The following NEK11 variants were observed in gnomAD, a reference collection of about 807,000 sequenced individuals.
NEK11 encodes the protein NIMA related kinase 11.
Under a neutral mutation model 80.7 loss-of-function variants are expected in NEK11, and 72 were observed. The ratio of observed to expected loss-of-function variants is 0.89; its 90% CI spans 0.74 to 1.08. The LOEUF is 1.08. NEK11 is among the 50% of genes least tolerant of loss of function. The pLI is 0.00. For missense variants in NEK11, 764 were observed against 763.6 expected, an observed-to-expected ratio of 1.00 and a Z score of -0.01; for synonymous variants, 251 against 260.7, an observed-to-expected ratio of 0.96 and a Z score of 0.36.
At chr3:131,262,445 A>C (rs1037237106) in intron 16 of NEK11, among the ~76,000 whole-genome samples, 1 of 152,204 alleles carries the variant, frequency 6.6e-6, no homozygotes, top group Non-Finnish European at 1.5e-5. Context: ...GATTTTCTAT[A>C]TACAAAATCA....
At chr3:131,202,065 C>T (rs1317604615) in intron 14 of NEK11, among the ~76,000 whole-genome samples, 1 of 152,130 alleles carries the variant, frequency 6.6e-6, no homozygotes, top group East Asian at 1.9e-4. Flanking sequence ...GATCTCCTGA[C>T]CTCATGATCC....
rs1341042136 is a variant in NEK11, at chr3:131,044,450, G to T, written c.170+14572G>T. 2.6e-4 allele frequency among the ~76,000 whole-genome samples: 38 copies of T among 148,450 alleles called. No individual in the cohort carries two copies. In the South Asian group the frequency reaches 3.7e-3, roughly 14 times the overall value. ...AAAAAAAAAAAAAAAAAAAGGTGGG[G>T]GGGGGGGTTGGAATCCTAGTCTCTA... On this transcript the variant is annotated intron_variant, in intron 3 of 17. Coordinates refer to ENST00000383366, the MANE Select transcript of NEK11 (RefSeq NM_024800.5).
chr3:131,185,736 T>C (rs527541403), intron 14 of NEK11, among the ~76,000 whole-genome samples: 1 of 152,304 alleles, frequency 6.6e-6, no homozygotes, highest in South Asian at 2.1e-4. Flanking sequence ...TATAATTCAG[T>C]AGTTTTCTCT....
At chr3:131,345,670 C>CT (rs2097351989) in intron 17 of NEK11, among the ~76,000 whole-genome samples, 1 of 152,164 alleles carries the variant, frequency 6.6e-6, no homozygotes, top group Non-Finnish European at 1.5e-5. Context: ...ACCCAGCAAT[C>CT]CCTCTTCTGG....
intron 7 of NEK11, among the ~76,000 whole-genome samples, chr3:131,142,311 A>G (rs1474867059): frequency 1.3e-5 from 2 of 152,224 alleles, no homozygotes; most frequent in African/African-American, 4.8e-5. Flanking sequence ...CAGTCTTATT[A>G]TGATGCCAGC....
At chr3:131,207,487 G>T (rs993907265) in intron 14 of NEK11, among the ~76,000 whole-genome samples, 1 of 152,118 alleles carries the variant, frequency 6.6e-6, no homozygotes, top group African/African-American at 2.4e-5. Flanking sequence ...GGAGGCTGAG[G>T]CAGGAGAATG....
intron 7 of NEK11, among the ~76,000 whole-genome samples, chr3:131,139,311 G>A (rs1490770482): frequency 1.3e-5 from 2 of 148,326 alleles, no homozygotes; most frequent in Non-Finnish European, 3.0e-5. Flanking sequence ...CTCGAAGACA[G>A]GATATTGGAA....
intron 4 of NEK11, 95 bp from the exon 5 acceptor site, chr3:131,109,708 A>G (rs2079768383): frequency 1.2e-5 from 15 of 1,254,940 alleles, no homozygotes; most frequent in Non-Finnish European, 1.5e-5. Context: ...GCACTTTCTT[A>G]TAAACAGTGA....
At chr3:131,198,286 G>C (rs2094104609) in intron 14 of NEK11, among the ~76,000 whole-genome samples, 2 of 152,130 alleles carry the variant, frequency 1.3e-5, no homozygotes, top group South Asian at 2.1e-4. Flanking sequence ...GTCGGGATCA[G>C]TCAAGGGACC....
At chr3:131,301,924 G>A (rs940353037) in intron 17 of NEK11, among the ~76,000 whole-genome samples, 3 of 152,142 alleles carry the variant, frequency 2.0e-5, no homozygotes, top group Non-Finnish European at 4.4e-5. Flanking sequence ...AGTTTCCATA[G>A]GAATGGTACC....
At chr3:131,061,067 T>A (rs1469258525) in intron 3 of NEK11, among the ~76,000 whole-genome samples, 2 of 152,154 alleles carry the variant, frequency 1.3e-5, no homozygotes, top group Admixed American at 1.3e-4. Flanking sequence ...CACCTACAGC[T>A]CCGAGAACTC....
rs545009423 is a variant in NEK11, at chr3:131,202,051, T to G, written c.1400-26477T>G. ...GGTTTCACCATGTTAGCCAGGATGGTCTCGATCTCCTGACCTCATGATCCA... is the reference window on the plus strand; with the variant it reads ...GGTTTCACCATGTTAGCCAGGATGGGCTCGATCTCCTGACCTCATGATCCA... On this transcript the variant is annotated intron_variant, in intron 14 of 17. Coordinates refer to ENST00000383366, the MANE Select transcript of NEK11 (RefSeq NM_024800.5). Among the ~76,000 whole-genome samples the G allele has an allele frequency of 1.1e-4, 16 of 152,140 alleles. No homozygotes were observed. In the East Asian group the frequency reaches 1.7e-3, roughly 17 times the overall value.
chr3:131,137,624 T>C (rs1345057451), intron 7 of NEK11, among the ~76,000 whole-genome samples: 1 of 152,170 alleles, frequency 6.6e-6, no homozygotes, highest in Admixed American at 6.5e-5. Context: ...AGAAAACATT[T>C]CAGTCAGGTG....
chr3:131,181,516 G>T (rs1384236492), intron 14 of NEK11, among the ~76,000 whole-genome samples: 1 of 152,100 alleles, frequency 6.6e-6, no homozygotes, highest in African/African-American at 2.4e-5. Flanking sequence ...GGAGGCCAAG[G>T]CGGGCAGATC....
At chr3:131,273,296 A>C (rs2096233139) in intron 16 of NEK11, among the ~76,000 whole-genome samples, 182 bp from the exon 17 acceptor site, 1 of 152,220 alleles carries the variant, frequency 6.6e-6, no homozygotes, top group Non-Finnish European at 1.5e-5. Context: ...AACTGTAAAT[A>C]ATCTTGTCAT....
intron 14 of NEK11, among the ~76,000 whole-genome samples, chr3:131,178,583 T>G (rs908237245): frequency 1.6e-4 from 25 of 152,192 alleles, no homozygotes; most frequent in African/African-American, 6.0e-4. Context: ...CACTGGGAGA[T>G]CTCCATGGAC....
intron 4 of NEK11, among the ~76,000 whole-genome samples, chr3:131,098,591 T>C (rs1190679288): frequency 2.6e-5 from 4 of 151,736 alleles, no homozygotes; most frequent in African/African-American, 9.7e-5. Context: ...TTTTTTTTTT[T>C]TTTAGATGGA....
At position 131,168,895 on chromosome 3, in the gene NEK11, A is replaced by C; in HGVS notation, c.1242A>C (p.Ser414=). ...EEQPEGRLSC[S]PQDEDEERWQ... is the part of the protein sequence containing the mutation. ...AACCTGAGGGAAGACTTTCTTGTTC[A>C]CCCCAGGACGAGGATGAAGAGAGGT... Residue 414 remains serine, a synonymous_variant, in exon 13 of 18, where the codon TCA becomes TCC. Transcript: ENST00000383366. 2 of 1,613,984 alleles carry C rather than the reference A, an allele frequency of 1.2e-6. No homozygotes were observed. The highest frequency in any genetic ancestry group is 2.2e-5 in the South Asian group (2 of 91,036).
chr3:131,161,044 G>A lies in NEK11; in HGVS notation c.963-1364G>A, dbSNP rs143962210. ...CTAAAAAGACAAAAATTAGCTGGGC[G>A]TGGTAGCGTGTGCCTGTAGTCCCAG... On this transcript the variant is annotated intron_variant, in intron 10 of 17. Transcript: ENST00000383366. Among the ~76,000 whole-genome samples, 1,073 of 151,628 alleles carry A rather than the reference G, an allele frequency of 7.1e-3. 15 individuals carry two copies. The highest frequency in any genetic ancestry group is 0.023 in the African/African-American group (968 of 41,368).
Sources: gnomAD v4.1 joint callset for allele counts (sites outside exome capture counted in the v4.1 genomes callset) on GRCh38, gnomAD v4.1.1 for gene constraint, MANE v1.5 for transcripts, NCBI Gene and HGNC (gene_info 2026-07-23, HGNC 2026-07-21) for gene names.